MYLK3: variants seen among roughly 807,000 people sequenced by gnomAD.
MYLK3 encodes myosin light chain kinase 3.
A neutral mutation model predicts 76.3 loss-of-function variants in MYLK3; 55 were observed. That is an observed-to-expected ratio of 0.72 (90% CI 0.58 to 0.90). MYLK3 has a LOEUF of 0.90. Among genes scored for constraint, MYLK3 ranks in the 40% least tolerant of loss-of-function variants. The pLI is 0.00. For synonymous variants in MYLK3, 416 were observed against 425.4 expected, an observed-to-expected ratio of 0.98 and a Z score of 0.27; for missense variants, 973 against 1,053.6, an observed-to-expected ratio of 0.92 and a Z score of 1.06.
intron 1 of MYLK3, among the ~76,000 whole-genome samples, chr16:46,757,876 G>A (rs917251521): frequency 1.3e-5 from 2 of 152,284 alleles, no homozygotes; most frequent in Admixed American, 6.5e-5. Context: ...CCCCACATCC[G>A]GGTGCAGGGG....
chr16:46,728,596 C>T (rs1966846744), intron 7 of MYLK3, among the ~76,000 whole-genome samples: 2 of 152,152 alleles, frequency 1.3e-5, no homozygotes, highest in South Asian at 2.1e-4. Context: ...TGGCACACGC[C>T]TGTGGTCACA....
intron 1 of MYLK3, among the ~76,000 whole-genome samples, chr16:46,755,189 A>T (rs1244109867): frequency 6.6e-6 from 1 of 152,016 alleles, no homozygotes; most frequent in Non-Finnish European, 1.5e-5. Flanking sequence ...TTGAGCCACC[A>T]CACCTGACCC....
At chr16:46,753,310 C>T (rs74996761), upstream of MYLK3, among the ~76,000 whole-genome samples, 497 of 152,252 alleles carry the variant, frequency 3.3e-3, 4 homozygotes, top group Middle Eastern at 6.8e-3. Context: ...CTGACCAGGC[C>T]CACCCTCCCT....
chr16:46,747,683 C>T (rs1399351603), intron 1 of MYLK3, 34 bp downstream of exon 1: 12 of 1,584,964 alleles, frequency 7.6e-6, no homozygotes, highest in Non-Finnish European at 1.0e-5. Context: ...GCCGGGGCCT[C>T]CCATCCAGCC....
intron 8 of MYLK3, among the ~76,000 whole-genome samples, chr16:46,725,066 T>C (rs1403014653): frequency 6.6e-6 from 1 of 152,206 alleles, no homozygotes; most frequent in Non-Finnish European, 1.5e-5. Context: ...TTGTCATAAA[T>C]GAAATTATTT....
chr16:46,751,733 C>T (rs1421151507), upstream of MYLK3, among the ~76,000 whole-genome samples: 3 of 152,208 alleles, frequency 2.0e-5, no homozygotes, highest in Admixed American at 6.5e-5. Context: ...CAGGGAGCTC[C>T]GGGGCCCTCT....
intron 4 of MYLK3, 61 bp downstream of exon 4, chr16:46,732,147 T>C (rs1025222221): frequency 7.1e-6 from 10 of 1,400,454 alleles, no homozygotes; most frequent in South Asian, 2.8e-5. Context: ...TCCCCAGGAG[T>C]AGGGGCTCCA....
chr16:46,758,562 CA>C (rs913753514), intron 1 of MYLK3, among the ~76,000 whole-genome samples: 1 of 152,184 alleles, frequency 6.6e-6, no homozygotes, highest in African/African-American at 2.4e-5. Flanking sequence ...GCCAGTCCCC[CA>C]GAAAGGCATG....
At chr16:46,733,819 T>C (rs1221415621) in intron 3 of MYLK3, among the ~76,000 whole-genome samples, 1 of 152,166 alleles carries the variant, frequency 6.6e-6, no homozygotes, top group East Asian at 1.9e-4. Context: ...GTGGCCTCGA[T>C]TCTGGGCTTA....
intron 7 of MYLK3, 75 bp from the exon 8 acceptor site, chr16:46,727,452 C>T: frequency 6.7e-7 from 1 of 1,488,166 alleles, no homozygotes; most frequent in East Asian, 2.4e-5. Flanking sequence ...CATTATAGGG[C>T]CAAAAGAGGC....
At position 46,757,455 on chromosome 16, in the gene MYLK3, C is replaced by T. The variant is rs531205431; in HGVS notation, c.-114+5585G>A. 7 of 985,466 alleles carry T rather than the reference C, an allele frequency of 7.1e-6. No individual in the cohort carries two copies. The African/African-American group carries it at 1.2e-4, about 17-fold the overall frequency. 61.0% of individuals were successfully genotyped at this position (985,466 alleles called of 1,614,324 possible). A position where few individuals can be genotyped will look rare whatever the true frequency, so the allele number is the denominator to read the frequency against. On this transcript the variant is annotated intron_variant, in intron 1 of 11. Coordinates refer to the MYLK3 transcript ENST00000536476. ...TCTGGGTGTAACCCGACGCCCGCTG[C>T]TGGCCTCTGGTGCTGGGACCGCGCA...
At chr16:46,747,530 T>C (rs965721595) in intron 1 of MYLK3, among the ~76,000 whole-genome samples, 187 bp downstream of exon 1, 2 of 152,196 alleles carry the variant, frequency 1.3e-5, no homozygotes, top group Non-Finnish European at 2.9e-5. Context: ...CTGGGGAGAA[T>C]GGCAGGCAGT....
upstream of MYLK3, chr16:46,748,399 C>T (rs1216001303): frequency 2.1e-6 from 2 of 931,332 alleles, no homozygotes; most frequent in African/African-American, 1.7e-5. This position sits in a 1 kb window ranked among gnomAD's most constrained non-coding sequence, Gnocchi z 4.3. Context: ...TATCTCCCAC[C>T]CTACACGGGC....
rs756004337 is a variant in MYLK3, at chr16:46,730,628, C to A, written c.1533G>T (p.Ala511=). ...VVSVKETSIS[A]GYEVCQHEVL... The stretch of plus-strand genomic sequence containing the variant: ...CTTCGTGCTGGCACACCTCGTAACC[C>A]GCAGAGATGGAGGTCTCCTTGACGC... Residue 511 remains alanine (A), a synonymous_variant, in exon 5 of 13, where the codon GCG becomes GCT. Transcript: ENST00000394809. 1.9e-6 allele frequency: 3 copies of A among 1,613,978 alleles called. No individual in the cohort carries two copies. Among genetic ancestry groups the A allele is most frequent in the African/African-American group, 1.3e-5 (1 of 74,932 alleles).
At position 46,702,573 on chromosome 16, in the gene MYLK3, A is replaced by C. The variant is rs1966585174; in HGVS notation, c.*5131T>G. Reference sequence around the variant, plus strand: ...TATCTTTTTATTGCTTGCTCAAATCAGGGTCAACACAAGGTTCACACTTGA... The same window carrying C: ...TATCTTTTTATTGCTTGCTCAAATCCGGGTCAACACAAGGTTCACACTTGA... On this transcript the variant is annotated 3_prime_UTR_variant, in exon 13 of 13. Coordinates refer to ENST00000394809, the MANE Select transcript of MYLK3 (RefSeq NM_182493.3). Among the ~76,000 whole-genome samples the C allele has an allele frequency of 6.6e-6, 1 of 152,234 alleles. No homozygotes were observed. The highest frequency in any genetic ancestry group is 2.4e-5 in the African/African-American group (1 of 41,460).
At chr16:46,738,205 C>A in intron 2 of MYLK3, 62 bp from the exon 3 acceptor site, 1 of 1,371,264 alleles carries the variant, frequency 7.3e-7, no homozygotes, top group Non-Finnish European at 9.7e-7. Flanking sequence ...CACAAAGATA[C>A]TGCAAGGAAT....
intron 1 of MYLK3, among the ~76,000 whole-genome samples, chr16:46,740,389 C>G (rs36463): frequency 2.0e-5 from 3 of 151,722 alleles, no homozygotes; most frequent in Admixed American, 6.6e-5. Flanking sequence ...AGAACCACCT[C>G]CTTTTCCAGG....
At chr16:46,757,499 G>C in intron 1 of MYLK3, 1 of 985,454 alleles carries the variant, frequency 1.0e-6, no homozygotes, top group Non-Finnish European at 1.2e-6. Context: ...GTGGGGCACA[G>C]AGTCCCCATC....
At chr16:46,758,350 G>T in intron 1 of MYLK3, among the ~76,000 whole-genome samples, 1 of 132,504 alleles carries the variant, frequency 7.5e-6, no homozygotes, top group Non-Finnish European at 1.6e-5. Context: ...TCTCAACTTT[G>T]GGACCACAAA....
Sources: allele counts gnomAD v4.1 joint callset (sites outside exome capture counted in the v4.1 genomes callset), GRCh38; gene constraint gnomAD v4.1.1; non-coding constraint Gnocchi (gnomAD v3.1); transcripts MANE v1.5; gene names NCBI Gene and HGNC (gene_info 2026-07-23, HGNC 2026-07-21).